Variants in RFX8 observed in about 807,000 individuals in gnomAD.
The protein encoded by RFX8 is DNA-binding protein RFX8.
A neutral mutation model predicts 54.6 loss-of-function variants in RFX8; 46 were observed. The ratio of observed to expected loss-of-function variants is 0.84; its 90% CI spans 0.67 to 1.08. The LOEUF is 1.08. Ranked by LOEUF, RFX8 falls within the 50% of genes least tolerant of loss-of-function variation. The pLI is 0.00. For missense variants in RFX8, 536 were observed against 562.3 expected (o/e 0.95, Z 0.47); for synonymous variants, 192 against 209.5 (o/e 0.92, Z 0.72).
At chr2:101,432,517 C>T (rs1354530059) in intron 2 of RFX8, among the ~76,000 whole-genome samples, 1 of 152,140 alleles carries the variant, frequency 6.6e-6, no homozygotes, top group Non-Finnish European at 1.5e-5. Flanking sequence ...AATATGGGGC[C>T]ACTACCCAAG....
intron 1 of RFX8, among the ~76,000 whole-genome samples, chr2:101,468,325 C>G (rs1312687098): frequency 6.6e-6 from 1 of 152,188 alleles, no homozygotes; most frequent in Non-Finnish European, 1.5e-5. Flanking sequence ...TACTTTTCTC[C>G]TTGTTTCTGG....
chr2:101,444,610 A>C (rs1688272803), intron 2 of RFX8, among the ~76,000 whole-genome samples: 1 of 152,234 alleles, frequency 6.6e-6, no homozygotes, highest in Non-Finnish European at 1.5e-5. Context: ...GCTCCAACAA[A>C]TAATTGTGAA....
At position 101,402,642 on chromosome 2, in the gene RFX8, G is replaced by A; in HGVS notation, c.1039C>T (p.Leu347=). The A allele has an allele frequency of 6.4e-7, 1 of 1,553,718 alleles. No homozygotes were observed. Among genetic ancestry groups the A allele is most frequent in the Non-Finnish European group, 8.7e-7 (1 of 1,147,880 alleles). Residue 347 remains leucine (L), a synonymous_variant, in exon 11 of 12, where the codon CTA becomes TTA. Transcript: ENST00000428343. ...TGGCCGAGAGTCGGGTCATCTGGTA[G>A]CATTTCCTTGACAGTCCCCATGTCC... ...EEDMGTVKEM[L]PDDPTLGQPD...
rs796470572 is a variant in RFX8, at chr2:101,431,110, T to TCATC, written c.73-8642_73-8639dup. Among the ~76,000 whole-genome samples, 568 of 68,478 alleles carry TCATC rather than the reference T, an allele frequency of 8.3e-3. 9 individuals carry two copies. The highest frequency in any genetic ancestry group is 0.018 in the African/African-American group (507 of 28,202). 44.9% of individuals were successfully genotyped at this position (68,478 alleles called of 152,430 possible). On this transcript the variant is annotated intron_variant, in intron 2 of 11. Coordinates refer to ENST00000428343, the MANE Select transcript of RFX8 (RefSeq NM_001145664.2). Reference sequence around the variant, plus strand: ...CACTGAGCTCCATCCATCCATTCATTCATCCATCCATCCATCCAACCAACC... The same window carrying TCATC: ...CACTGAGCTCCATCCATCCATTCATTCATCCATCCATCCATCCATCCAACCAACC...
At chr2:101,471,335 GAACA>G (rs534183168) in intron 1 of RFX8, among the ~76,000 whole-genome samples, 33 of 151,826 alleles carry the variant, frequency 2.2e-4, no homozygotes, top group Non-Finnish European at 3.8e-4. Context: ...CTCCATCTCA[GAACA>G]AACAAACAAA....
chr2:101,474,416 C>T (rs1690194243), intron 1 of RFX8: 1 of 378,132 alleles, frequency 2.6e-6, no homozygotes, highest in Non-Finnish European at 4.7e-6. Flanking sequence ...GGGCGCGGGG[C>T]GGGAGCCCAG....
intron 2 of RFX8, among the ~76,000 whole-genome samples, chr2:101,446,271 G>A (rs1044310995): frequency 1.3e-4 from 20 of 152,266 alleles, no homozygotes; most frequent in Admixed American, 8.5e-4. Context: ...CACCTCCCAG[G>A]TTCAAGCGAT....
At chr2:101,473,928 C>A (rs911477015) in intron 1 of RFX8, among the ~76,000 whole-genome samples, 1 of 152,198 alleles carries the variant, frequency 6.6e-6, no homozygotes, top group African/African-American at 2.4e-5. Context: ...GCGGGGCAGA[C>A]CGGATGGCTT....
chr2:101,423,715 C>T (rs1185447112), intron 2 of RFX8, among the ~76,000 whole-genome samples: 1 of 152,142 alleles, frequency 6.6e-6, no homozygotes, highest in Non-Finnish European at 1.5e-5. Context: ...ATGTTCCTGT[C>T]TATAAGACAT....
At chr2:101,426,033 T>A (rs1487515072) in intron 2 of RFX8, among the ~76,000 whole-genome samples, 4 of 152,164 alleles carry the variant, frequency 2.6e-5, no homozygotes, top group African/African-American at 9.7e-5. Context: ...AATACCCAGA[T>A]AAGAATCATT....
intron 6 of RFX8, among the ~76,000 whole-genome samples, chr2:101,416,745 A>T (rs1399810356): frequency 6.6e-6 from 1 of 152,102 alleles, no homozygotes; most frequent in African/African-American, 2.4e-5. Context: ...TTGAAGGAGC[A>T]TGGAGCTGCA....
chr2:101,472,794 G>A (rs1690083912), intron 1 of RFX8, among the ~76,000 whole-genome samples: 1 of 152,154 alleles, frequency 6.6e-6, no homozygotes, highest in South Asian at 2.1e-4. Flanking sequence ...GAGGGAAGTG[G>A]ATCACTTGAG....
In RFX8 at chr2:101,405,291, C is replaced by T. The variant is rs145028889; in HGVS notation, c.928+652G>A. On this transcript the variant is annotated intron_variant, in intron 10 of 11. Transcript: ENST00000428343. ...GCTCCTGAGTTGCTGGGATTACAAG[C>T]GTCCGCCACCGCGCCCGGCTAATTT... is the stretch of plus-strand genomic sequence containing the variant. Among the ~76,000 whole-genome samples the T allele has an allele frequency of 1.1e-3, 170 of 152,000 alleles. 5 individuals carry two copies. In the East Asian group the frequency reaches 0.026, roughly 23 times the overall value.
chr2:101,421,687 G>A (rs947038800), intron 4 of RFX8, 37 bp downstream of exon 4: 2 of 1,540,398 alleles, frequency 1.3e-6, no homozygotes, highest in Admixed American at 2.1e-5. Flanking sequence ...GTATTTTATA[G>A]ATAAAACCCT....
chr2:101,455,269 TC>T (rs1295941569), intron 2 of RFX8, among the ~76,000 whole-genome samples: 3 of 152,184 alleles, frequency 2.0e-5, no homozygotes, highest in Non-Finnish European at 2.9e-5. Context: ...CACCTCAGCC[TC>T]CTAAAGTGCT....
In RFX8 at chr2:101,402,427, T is replaced by C; in HGVS notation, c.1245+9A>G. 6.5e-7 allele frequency: 1 copy of C among 1,535,872 alleles called. No homozygotes were observed. The highest frequency in any genetic ancestry group is 8.8e-7 in the Non-Finnish European group (1 of 1,135,180). On this transcript the variant is annotated intron_variant, in intron 11 of 11. Transcript: ENST00000428343. ...ACAGCTGTGTGGAAGGGGGTCCTGG[T>C]GTCCCTACCTTATTGCCCATGGCAG...
chr2:101,434,769 A>G (rs1390476232), intron 2 of RFX8: 1 of 152,276 alleles, frequency 6.6e-6, no homozygotes, highest in Non-Finnish European at 1.5e-5. Context: ...AGCAAGTTCC[A>G]ACCAGCCTTG....
intron 2 of RFX8, among the ~76,000 whole-genome samples, chr2:101,459,719 G>C (rs548255385): frequency 6.6e-6 from 1 of 152,124 alleles, no homozygotes; most frequent in Non-Finnish European, 1.5e-5. Flanking sequence ...CAGTCTGTCC[G>C]TTCTCAGAGC....
At chr2:101,416,169 C>G (rs542656876) in intron 6 of RFX8, among the ~76,000 whole-genome samples, 1 of 145,998 alleles carries the variant, frequency 6.8e-6, no homozygotes, top group East Asian at 2.2e-4. Flanking sequence ...AGAATGATCA[C>G]TGGGGGTGGA....
Sources: allele counts gnomAD v4.1 joint callset (sites outside exome capture counted in the v4.1 genomes callset), GRCh38; gene constraint gnomAD v4.1.1; transcripts MANE v1.5; gene names NCBI Gene and HGNC (gene_info 2026-07-23, HGNC 2026-07-21).